The following WDR72 variants were observed in gnomAD, a reference collection of about 807,000 sequenced individuals.
WDR72 encodes the protein WD repeat-containing protein 72.
WDR72 carries 120 observed loss-of-function variants against 124.2 expected under a neutral mutation model. The observed-to-expected ratio is 0.97, with a 90% CI of 0.83 to 1.12. WDR72 has a LOEUF of 1.12. Among genes scored for constraint, WDR72 ranks in the 50% most tolerant of loss-of-function variants. WDR72 has a pLI of 0.00. For missense variants in WDR72, 1,387 were observed against 1,278.8 expected, an observed-to-expected ratio of 1.08 and a Z score of -1.29; for synonymous variants, 452 against 441.7, an observed-to-expected ratio of 1.02 and a Z score of -0.29.
At chr15:53,536,023 TG>T (rs1205307241) in intron 18 of WDR72, among the ~76,000 whole-genome samples, 1 of 152,180 alleles carries the variant, frequency 6.6e-6, no homozygotes, top group Non-Finnish European at 1.5e-5. Flanking sequence ...TTGATGAATC[TG>T]AGTCCAGAAA....
chr15:53,737,917 C>T (rs1460160039), intron 1 of WDR72, among the ~76,000 whole-genome samples: 2 of 152,088 alleles, frequency 1.3e-5, no homozygotes, highest in African/African-American at 2.4e-5. Flanking sequence ...CAAAACAGGT[C>T]CCAAAACATC....
intron 18 of WDR72, among the ~76,000 whole-genome samples, chr15:53,565,389 C>T (rs1894259667): frequency 6.6e-6 from 1 of 151,822 alleles, no homozygotes; most frequent in Admixed American, 6.6e-5. Context: ...TGTCCTCTCC[C>T]CAGCCACCCA....
chr15:53,640,846 T>C (rs186086972), intron 14 of WDR72, among the ~76,000 whole-genome samples: 30 of 152,140 alleles, frequency 2.0e-4, no homozygotes, highest in Non-Finnish European at 4.1e-4. Flanking sequence ...ATTTACTATT[T>C]ACCTTTTCCT....
At chr15:53,718,810 C>A (rs947611006) in intron 3 of WDR72, among the ~76,000 whole-genome samples, 1 of 135,586 alleles carries the variant, frequency 7.4e-6, no homozygotes, top group African/African-American at 3.4e-5. Flanking sequence ...TTTTAAAAAC[C>A]TTAAGATTTT....
At chr15:53,567,183 T>C (rs966128134) in intron 18 of WDR72, among the ~76,000 whole-genome samples, 1 of 152,006 alleles carries the variant, frequency 6.6e-6, no homozygotes, top group African/African-American at 2.4e-5. Flanking sequence ...CCAACATGTG[T>C]TGGGAAATCA....
At chr15:53,622,690 G>T (rs2014045438) in intron 14 of WDR72, among the ~76,000 whole-genome samples, 1 of 152,012 alleles carries the variant, frequency 6.6e-6, no homozygotes, top group African/African-American at 2.4e-5. Flanking sequence ...TTAATACCTA[G>T]GTGATGGGTT....
At chr15:53,558,311 C>A (rs889290225) in intron 18 of WDR72, among the ~76,000 whole-genome samples, 3 of 152,042 alleles carry the variant, frequency 2.0e-5, no homozygotes, top group Admixed American at 6.6e-5. Context: ...TATCACCTGG[C>A]AGATTTTTGG....
intron 11 of WDR72, 55 bp from the exon 12 acceptor site, chr15:53,702,409 G>T: frequency 1.4e-6 from 2 of 1,413,140 alleles, no homozygotes; most frequent in South Asian, 1.2e-5. Context: ...TCAGAAAATC[G>T]TCCCAAGATT....
chr15:53,642,316 A>G (rs1332258605), intron 14 of WDR72, among the ~76,000 whole-genome samples: 1 of 152,042 alleles, frequency 6.6e-6, no homozygotes, highest in African/African-American at 2.4e-5. Flanking sequence ...AAATCTAACC[A>G]GGGTAGATCT....
chr15:53,721,673 T>C lies in WDR72; in HGVS notation c.260+1129A>G, dbSNP rs142779048. Among the ~76,000 whole-genome samples the C allele has an allele frequency of 4.5e-3, 683 of 152,360 alleles. 2 individuals carry two copies. The highest frequency in any genetic ancestry group is 0.016 in the African/African-American group (657 of 41,588). On this transcript the variant is annotated intron_variant, in intron 3 of 19. Transcript: ENST00000360509. The stretch of plus-strand genomic sequence containing the variant: ...CTGTTTATACAAGCTGGACCTTGAT[T>C]CCTCACTATTCTTTTGGTTTTCAGA...
intron 17 of WDR72, among the ~76,000 whole-genome samples, chr15:53,597,948 A>C (rs1362801828): frequency 2.6e-5 from 4 of 152,128 alleles, no homozygotes; most frequent in African/African-American, 9.7e-5. Flanking sequence ...AAGCTTACAC[A>C]GACTTGGTGG....
chr15:53,723,250 G>A (rs1475841605), intron 2 of WDR72, among the ~76,000 whole-genome samples: 1 of 152,136 alleles, frequency 6.6e-6, no homozygotes, highest in Non-Finnish European at 1.5e-5. Flanking sequence ...GCACATTAAT[G>A]TTCAGAGTTC....
chr15:53,690,224 G>GA (rs1048305168), intron 13 of WDR72, among the ~76,000 whole-genome samples: 5 of 151,114 alleles, frequency 3.3e-5, no homozygotes, highest in Non-Finnish European at 5.9e-5. Flanking sequence ...AATAATAAAA[G>GA]AAAAAAAACT....
intron 18 of WDR72, among the ~76,000 whole-genome samples, chr15:53,543,679 C>A (rs1286770716): frequency 1.3e-5 from 2 of 151,684 alleles, no homozygotes; most frequent in Non-Finnish European, 2.9e-5. Flanking sequence ...ACACAAAAAA[C>A]CGTTCAAAAA....
intron 18 of WDR72, among the ~76,000 whole-genome samples, chr15:53,524,598 C>T (rs574476083): frequency 8.5e-5 from 13 of 152,126 alleles, no homozygotes; most frequent in Admixed American, 2.0e-4. Context: ...GAAGACCACA[C>T]GGACAAACTT....
chr15:53,732,782 G>A (rs752388300), intron 2 of WDR72, among the ~76,000 whole-genome samples: 8 of 152,120 alleles, frequency 5.3e-5, no homozygotes, highest in Non-Finnish European at 1.0e-4. Context: ...CTGTAGCTAA[G>A]ATTAGCAATA....
chr15:53,595,591 A>G (rs1456977828), intron 18 of WDR72, among the ~76,000 whole-genome samples: 1 of 152,196 alleles, frequency 6.6e-6, no homozygotes, highest in African/African-American at 2.4e-5. Context: ...GAGAAAATTC[A>G]GAAATGACAT....
intron 13 of WDR72, among the ~76,000 whole-genome samples, chr15:53,694,239 A>G (rs1015457673): frequency 6.6e-6 from 1 of 152,192 alleles, no homozygotes; most frequent in Non-Finnish European, 1.5e-5. Context: ...TTGCTGAGTA[A>G]GGGAAGCAAT....
intron 9 of WDR72, among the ~76,000 whole-genome samples, chr15:53,706,788 G>T (rs2017392437): frequency 6.6e-6 from 1 of 151,894 alleles, no homozygotes; most frequent in Non-Finnish European, 1.5e-5. Flanking sequence ...AAAGGAAAAT[G>T]ATTCCATAAT....
Sources: allele counts gnomAD v4.1 joint callset (sites outside exome capture counted in the v4.1 genomes callset), GRCh38; gene constraint gnomAD v4.1.1; transcripts MANE v1.5; gene names NCBI Gene and HGNC (gene_info 2026-07-23, HGNC 2026-07-21).